NXPE4: variants seen among roughly 807,000 people sequenced by gnomAD.
NXPE4 encodes NXPE family member 4.
In NXPE4, 42 loss-of-function variants were observed where a neutral mutation model predicts 33.3. The ratio of observed to expected loss-of-function variants is 1.26; its 90% CI spans 0.98 to 1.63. NXPE4 has a LOEUF of 1.63. NXPE4 is among the 40% of genes most tolerant of loss of function. The pLI, the probability that NXPE4 is intolerant of heterozygous loss-of-function variation, is 0.00. For synonymous variants in NXPE4, 253 were observed against 234.9 expected (o/e 1.08, Z -0.71); for missense variants, 709 against 647.6 (o/e 1.09, Z -1.03).
the NXPE4 span, among the ~76,000 whole-genome samples, chr11:114,639,530 G>T: frequency 6.6e-6 from 1 of 151,178 alleles, no homozygotes; most frequent in African/African-American, 2.4e-5. Flanking sequence ...TACCTCAGGT[G>T]GAAATGCAGA....
the NXPE4 span, among the ~76,000 whole-genome samples, chr11:114,601,897 TTA>T: frequency 7.6e-5 from 3 of 39,396 alleles, no homozygotes; most frequent in Non-Finnish European, 1.6e-4. Flanking sequence ...TATATTATAT[TTA>T]TATATATTAT....
chr11:114,660,701 A>C, the NXPE4 span, among the ~76,000 whole-genome samples: 1 of 152,118 alleles, frequency 6.6e-6, no homozygotes, highest in East Asian at 1.9e-4. Flanking sequence ...TAAGGAAAAA[A>C]ATCAATAATG....
intron 5 of NXPE4, among the ~76,000 whole-genome samples, chr11:114,577,678 A>G (rs1057388576): frequency 6.6e-6 from 1 of 152,160 alleles, no homozygotes; most frequent in Non-Finnish European, 1.5e-5. Flanking sequence ...TTGGAGGATT[A>G]TGTGGTCAGT....
the NXPE4 span, among the ~76,000 whole-genome samples, chr11:114,622,703 C>G: frequency 0.093 from 13,927 of 149,998 alleles, 745 homozygotes; most frequent in Middle Eastern, 0.22. Flanking sequence ...AACCCCTTTT[C>G]CCGGTGGATA....
chr11:114,629,094 C>G, the NXPE4 span, among the ~76,000 whole-genome samples: 1 of 152,130 alleles, frequency 6.6e-6, no homozygotes, highest in Admixed American at 6.5e-5. Context: ...ACCAGAGGTA[C>G]AAGGAGGAAC....
chr11:114,627,917 C>A, the NXPE4 span, among the ~76,000 whole-genome samples: 5 of 151,766 alleles, frequency 3.3e-5, no homozygotes, highest in African/African-American at 1.2e-4. Flanking sequence ...TCAAAAGAGA[C>A]AAAGAAGGCC....
chr11:114,604,242 G>A, the NXPE4 span, among the ~76,000 whole-genome samples: 1 of 151,920 alleles, frequency 6.6e-6, no homozygotes, highest in Non-Finnish European at 1.5e-5. Flanking sequence ...TTTATAATAA[G>A]TGTTGACTCT....
chr11:114,591,847 A>G (rs572420313), intron 2 of NXPE4, among the ~76,000 whole-genome samples: 1 of 152,334 alleles, frequency 6.6e-6, no homozygotes, highest in African/African-American at 2.4e-5. Context: ...TGCAAGGATT[A>G]TCTGAGATAT....
the NXPE4 span, among the ~76,000 whole-genome samples, chr11:114,643,856 A>G: frequency 2.6e-5 from 4 of 152,176 alleles, no homozygotes; most frequent in African/African-American, 9.6e-5. Flanking sequence ...CTTTAGGCAG[A>G]ATGGCCACTT....
the NXPE4 span, among the ~76,000 whole-genome samples, chr11:114,639,003 G>A: frequency 1.3e-5 from 2 of 152,060 alleles, no homozygotes; most frequent in African/African-American, 4.8e-5. Context: ...AAAGCTGTCA[G>A]ACTGGGACAT....
the NXPE4 span, among the ~76,000 whole-genome samples, chr11:114,654,488 AC>A: frequency 6.6e-6 from 1 of 151,858 alleles, no homozygotes; most frequent in African/African-American, 2.4e-5. Context: ...CCAACCCCCA[AC>A]AGGCTCTGGT....
chr11:114,635,636 C>T, the NXPE4 span, among the ~76,000 whole-genome samples: 1 of 151,732 alleles, frequency 6.6e-6, no homozygotes, highest in African/African-American at 2.4e-5. Flanking sequence ...TGAGATATGT[C>T]CCATCAATAC....
At chr11:114,572,479 GA>G (rs1948913144) in intron 5 of NXPE4, among the ~76,000 whole-genome samples, 1 of 152,058 alleles carries the variant, frequency 6.6e-6, no homozygotes, top group African/African-American at 2.4e-5. Flanking sequence ...TACAGAATAT[GA>G]AAGGAAAATT....
At chr11:114,631,899 G>C in the NXPE4 span, among the ~76,000 whole-genome samples, 1 of 151,350 alleles carries the variant, frequency 6.6e-6, no homozygotes, top group South Asian at 2.1e-4. Flanking sequence ...AATAAGTATT[G>C]CCTCGTGGGT....
chr11:114,661,099 G>T, the NXPE4 span, among the ~76,000 whole-genome samples: 3 of 152,176 alleles, frequency 2.0e-5, no homozygotes, highest in Non-Finnish European at 2.9e-5. Flanking sequence ...CATGATGAAA[G>T]AAATCAAAGA....
chr11:114,642,066 A>T, the NXPE4 span, among the ~76,000 whole-genome samples: 1 of 152,096 alleles, frequency 6.6e-6, no homozygotes, highest in Non-Finnish European at 1.5e-5. Context: ...TACAGCATGG[A>T]AAAGGAGAAA....
the NXPE4 span, among the ~76,000 whole-genome samples, chr11:114,631,186 G>T: frequency 1.3e-5 from 2 of 151,970 alleles, no homozygotes; most frequent in Non-Finnish European, 2.9e-5. Flanking sequence ...TATACCCAAA[G>T]GGCTATAAAT....
chr11:114,665,966 TA>T, the NXPE4 span, among the ~76,000 whole-genome samples: 2 of 152,068 alleles, frequency 1.3e-5, no homozygotes, highest in African/African-American at 4.8e-5. Context: ...GAGACTGAGG[TA>T]GGGGGCAGGG....
the NXPE4 span, among the ~76,000 whole-genome samples, chr11:114,626,036 G>C: frequency 6.6e-6 from 1 of 152,220 alleles, no homozygotes; most frequent in Non-Finnish European, 1.5e-5. Flanking sequence ...CGCCCACGGA[G>C]TCTCACTGAT....
Sources: allele counts gnomAD v4.1 joint callset (sites outside exome capture counted in the v4.1 genomes callset), GRCh38; gene constraint gnomAD v4.1.1; transcripts MANE v1.5; gene names NCBI Gene and HGNC (gene_info 2026-07-23, HGNC 2026-07-21).